FRMD3: variants seen among roughly 807,000 people sequenced by gnomAD.
FRMD3 encodes the protein FERM domain containing 3.
In FRMD3, 33 loss-of-function variants were observed where a neutral mutation model predicts 70.2. The observed-to-expected ratio is 0.47, with a 90% CI of 0.36 to 0.63. The LOEUF (loss-of-function observed/expected upper bound fraction) is 0.63. Among genes scored for constraint, FRMD3 ranks in the 20% least tolerant of loss-of-function variants. FRMD3 has a pLI of 0.00. For synonymous variants in FRMD3, 279 were observed against 255.9 expected, an observed-to-expected ratio of 1.09 and a Z score of -0.86; for missense variants, 632 against 711.4, an observed-to-expected ratio of 0.89 and a Z score of 1.27.
intron 13 of FRMD3, chr9:83,267,320 G>A (rs1000979141): frequency 2.8e-6 from 4 of 1,422,658 alleles, no homozygotes; most frequent in African/African-American, 1.4e-5. Context: ...GAGGAGGGAG[G>A]GGACGCTATT....
intron 1 of FRMD3, among the ~76,000 whole-genome samples, chr9:83,402,904 T>TC (rs1229779180): frequency 2.2e-5 from 3 of 133,586 alleles, no homozygotes; most frequent in Non-Finnish European, 4.7e-5. Context: ...CTTTCTTTTT[T>TC]TTTTTTTTTT....
chr9:83,524,453 A>G (rs904867419), intron 1 of FRMD3, among the ~76,000 whole-genome samples: 15 of 152,216 alleles, frequency 9.9e-5, no homozygotes, highest in Non-Finnish European at 1.9e-4. Flanking sequence ...ACATGGAAAG[A>G]ATTTAGACTG....
At chr9:83,289,786 A>G (rs748205598) in intron 13 of FRMD3, among the ~76,000 whole-genome samples, 1 of 152,244 alleles carries the variant, frequency 6.6e-6, no homozygotes, top group Non-Finnish European at 1.5e-5. Context: ...ATTTGTTTTC[A>G]ATTTAATTAA....
At chr9:83,290,844 G>T in intron 12 of FRMD3, 117 bp from the exon 13 acceptor site, 1 of 1,048,388 alleles carries the variant, frequency 9.5e-7, no homozygotes, top group Non-Finnish European at 1.4e-6. Context: ...TCCAGACACA[G>T]TGAATTGAGC....
chr9:83,253,074 T>C (rs951433950), intron 13 of FRMD3, among the ~76,000 whole-genome samples: 2 of 152,188 alleles, frequency 1.3e-5, no homozygotes, highest in African/African-American at 4.8e-5. Context: ...AGAAGATATA[T>C]TCTTATTGCC....
chr9:83,256,568 C>A (rs1008841470), intron 13 of FRMD3, among the ~76,000 whole-genome samples: 1 of 151,908 alleles, frequency 6.6e-6, no homozygotes, highest in Non-Finnish European at 1.5e-5. Context: ...ATCATCAGAG[C>A]AAACAGATAA....
At chr9:83,378,459 T>TAA (rs999769153) in intron 2 of FRMD3, among the ~76,000 whole-genome samples, 1 of 91,244 alleles carries the variant, frequency 1.1e-5, no homozygotes, top group Non-Finnish European at 2.5e-5. Flanking sequence ...TATATATATA[T>TAA]AATATACATA....
In FRMD3 at chr9:83,537,790, G is replaced by A. The variant is rs1326985871; in HGVS notation, c.147+295C>T. 6.6e-6 allele frequency among the ~76,000 whole-genome samples: 1 copy of A among 152,172 alleles called. No individual in the cohort carries two copies. The highest frequency in any genetic ancestry group is 1.5e-5 in the Non-Finnish European group (1 of 68,002). On this transcript the variant is annotated intron_variant, in intron 1 of 13. Coordinates refer to ENST00000304195, the MANE Select transcript of FRMD3 (RefSeq NM_174938.6). The surrounding 1 kb of genome is among the most constrained non-coding windows in gnomAD (Gnocchi z 4.1). ...GCCCAGAGGGGCCAGAGTCCCTCCGGAGGCAGCTGCCCCGCGCCCCTAGCC... is the reference window on the plus strand; with the variant it reads ...GCCCAGAGGGGCCAGAGTCCCTCCGAAGGCAGCTGCCCCGCGCCCCTAGCC...
At chr9:83,573,424 A>T in the FRMD3 span, among the ~76,000 whole-genome samples, 9 of 152,344 alleles carry the variant, frequency 5.9e-5, no homozygotes, top group Middle Eastern at 6.8e-3. Context: ...TTAACAGACT[A>T]CATTAGTTAT....
At chr9:83,358,995 G>T (rs1824496691) in intron 3 of FRMD3, among the ~76,000 whole-genome samples, 1 of 152,008 alleles carries the variant, frequency 6.6e-6, no homozygotes, top group Non-Finnish European at 1.5e-5. Context: ...ATTCATGACT[G>T]CTCTCTTCTA....
At chr9:83,583,326 A>G in the FRMD3 span, among the ~76,000 whole-genome samples, 1 of 152,164 alleles carries the variant, frequency 6.6e-6, no homozygotes, top group Non-Finnish European at 1.5e-5. Context: ...AGAACCAGAC[A>G]TGTCCCATTC....
chr9:83,363,478 T>C (rs1824675852), intron 3 of FRMD3, among the ~76,000 whole-genome samples: 2 of 152,066 alleles, frequency 1.3e-5, no homozygotes, highest in Non-Finnish European at 2.9e-5. Context: ...CCTTGCATAA[T>C]ATATACCTGT....
At chr9:83,314,496 T>C (rs1353394191) in intron 6 of FRMD3, among the ~76,000 whole-genome samples, 2 of 152,240 alleles carry the variant, frequency 1.3e-5, no homozygotes, top group Admixed American at 1.3e-4. Flanking sequence ...GGAATTCATT[T>C]TATTTTCAAA....
chr9:83,385,089 G>C (rs962836904), intron 2 of FRMD3, among the ~76,000 whole-genome samples: 7 of 151,964 alleles, frequency 4.6e-5, no homozygotes, highest in African/African-American at 1.7e-4. Context: ...ATGGAAACTA[G>C]AGCTATGAAA....
At chr9:83,318,032 G>T (rs1421285139) in intron 6 of FRMD3, among the ~76,000 whole-genome samples, 1 of 152,104 alleles carries the variant, frequency 6.6e-6, no homozygotes, top group Non-Finnish European at 1.5e-5. Flanking sequence ...TTACCAAATA[G>T]GACGTCTAAC....
At chr9:83,440,334 T>C (rs923788577) in intron 1 of FRMD3, among the ~76,000 whole-genome samples, 3 of 152,236 alleles carry the variant, frequency 2.0e-5, no homozygotes, top group African/African-American at 7.2e-5. Flanking sequence ...ATCAGTGTAA[T>C]AGTCATGTGG....
intron 1 of FRMD3, among the ~76,000 whole-genome samples, chr9:83,430,621 T>A (rs1401189223): frequency 2.0e-5 from 3 of 152,240 alleles, no homozygotes; most frequent in East Asian, 1.9e-4. Flanking sequence ...TGCTTTTTTT[T>A]AAGAAATGTC....
chr9:83,466,490 A>G (rs1358146297), intron 1 of FRMD3, among the ~76,000 whole-genome samples: 1 of 152,124 alleles, frequency 6.6e-6, no homozygotes, highest in Non-Finnish European at 1.5e-5. Flanking sequence ...ACACATTTCT[A>G]AGAAAGGAAT....
At chr9:83,475,854 G>A (rs1828383601) in intron 1 of FRMD3, among the ~76,000 whole-genome samples, 3 of 152,112 alleles carry the variant, frequency 2.0e-5, no homozygotes, top group African/African-American at 4.8e-5. Flanking sequence ...AGGAATAAAT[G>A]AGCGAAGATA....
Sources: allele counts gnomAD v4.1 joint callset (sites outside exome capture counted in the v4.1 genomes callset), GRCh38; gene constraint gnomAD v4.1.1; non-coding constraint Gnocchi (gnomAD v3.1); transcripts MANE v1.5; gene names NCBI Gene and HGNC (gene_info 2026-07-23, HGNC 2026-07-21).